Variants in ZNF81 observed in about 807,000 individuals in gnomAD.
ZNF81 encodes the protein zinc finger protein 81.
Under a neutral mutation model 32.3 loss-of-function variants are expected in ZNF81, and 5 were observed. The observed-to-expected ratio is 0.15, with a 90% CI of 0.08 to 0.33. The LOEUF (loss-of-function observed/expected upper bound fraction) is 0.33, where lower values mean the gene tolerates loss of function less well. Ranked by LOEUF, ZNF81 falls within the 10% of genes least tolerant of loss-of-function variation. The probability of loss-of-function intolerance (pLI) is 1.00; values close to 1 mark genes in which losing one functional copy is unlikely to be tolerated. For synonymous variants in ZNF81, 163 were observed against 166.8 expected (o/e 0.98, Z 0.17); for missense variants, 379 against 479.8 (o/e 0.79, Z 1.96).
intron 4 of ZNF81, among the ~76,000 whole-genome samples, chrX:47,907,521 T>C (rs1556889308): frequency 8.9e-6 from 1 of 111,790 alleles, no homozygotes; most frequent in Non-Finnish European, 1.9e-5. Context: ...GATCATATTT[T>C]TAAATAAAGC....
chrX:47,847,798 C>T (rs1273205183), intron 2 of ZNF81, among the ~76,000 whole-genome samples: 2 of 111,852 alleles, frequency 1.8e-5, no homozygotes, highest in African/African-American at 6.5e-5. Flanking sequence ...TTACTGAATA[C>T]ATATAACTGT....
intron 4 of ZNF81, among the ~76,000 whole-genome samples, chrX:47,910,043 A>G (rs2148042305): frequency 9.0e-6 from 1 of 111,148 alleles, no homozygotes; most frequent in South Asian, 3.8e-4. Context: ...AGTCTTTGCT[A>G]TTGTGAATAG....
chrX:47,910,772 C>T (rs1441303380), intron 4 of ZNF81, among the ~76,000 whole-genome samples: 3 of 112,091 alleles, frequency 2.7e-5, no homozygotes, highest in East Asian at 2.8e-4. Flanking sequence ...TTTATTCATC[C>T]TCAATATGGG....
chrX:47,861,604 G>T (rs1392289472), intron 2 of ZNF81, among the ~76,000 whole-genome samples: 4 of 111,748 alleles, frequency 3.6e-5, no homozygotes, highest in African/African-American at 1.3e-4. Context: ...GCAGCAGTCT[G>T]GCCAATACTG....
intron 2 of ZNF81, among the ~76,000 whole-genome samples, chrX:47,865,947 C>G (rs957866857): frequency 2.4e-4 from 27 of 111,939 alleles, no homozygotes; most frequent in African/African-American, 8.8e-4. Context: ...ACTTGGCAAC[C>G]AAGAAGACTG....
chrX:47,916,285 A>G lies in ZNF81; in HGVS notation c.1639A>G (p.Ile547Val), dbSNP rs782036058. 8.3e-7 allele frequency: 1 copy of G among 1,211,741 alleles called. No homozygotes were observed. Among genetic ancestry groups the G allele is most frequent in the Non-Finnish European group, 1.1e-6 (1 of 895,507 alleles). ...GTCAAATTTCAATAAACACCAGACC[A>G]TTCACACTGGAGAGAAACCCTATGT... ...DRSNFNKHQT[I>V]HTGEKPYVCA... The change falls in exon 5 of 5, where the codon ATT becomes GTT. Residue 547 changes from isoleucine to valine, a missense_variant. Ile to Val is a conservative substitution (Grantham distance 29). This residue lies in a region of ZNF81 where 102 missense variants were observed against 173.2 expected (regional missense o/e 0.59). Coordinates refer to ENST00000338637, the MANE Select transcript of ZNF81 (RefSeq NM_007137.5).
At position 47,922,623 on chromosome X, in the gene ZNF81, A is replaced by G. The variant is rs1211082609; in HGVS notation, c.*5991A>G. Among the ~76,000 whole-genome samples the G allele has an allele frequency of 9.0e-6, 1 of 111,690 alleles. No homozygotes were observed. The highest frequency in any genetic ancestry group is 1.9e-5 in the Non-Finnish European group (1 of 53,143). ...TTATGTGACCTTGGGAAAGTTAGTTAACCTCTGTCCTGATGGTTTTCATCT... is the reference window on the plus strand; with the variant it reads ...TTATGTGACCTTGGGAAAGTTAGTTGACCTCTGTCCTGATGGTTTTCATCT... On this transcript the variant is annotated 3_prime_UTR_variant, in exon 5 of 5. Coordinates refer to ENST00000338637, the MANE Select transcript of ZNF81 (RefSeq NM_007137.5).
At chrX:47,888,321 A>G (rs2058650334) in intron 3 of ZNF81, 196 bp downstream of exon 3, 1 of 542,944 alleles carries the variant, frequency 1.8e-6, no homozygotes, top group Non-Finnish European at 2.9e-6. Context: ...TGGTGTCCTT[A>G]TAAAAAGGAG....
intron 4 of ZNF81, among the ~76,000 whole-genome samples, chrX:47,907,275 A>G (rs1009829996): frequency 5.4e-5 from 5 of 93,257 alleles, no homozygotes; most frequent in Non-Finnish European, 1.1e-4. Context: ...AGGGTGACAG[A>G]TTTCTGAAGG....
At chrX:47,847,061 G>C (rs782434672) in intron 2 of ZNF81, among the ~76,000 whole-genome samples, 2 of 111,522 alleles carry the variant, frequency 1.8e-5, no homozygotes, top group East Asian at 5.6e-4. Flanking sequence ...ATTCTTCCCT[G>C]GTGTTAAATC....
intron 3 of ZNF81, among the ~76,000 whole-genome samples, chrX:47,894,407 G>C (rs949589804): frequency 9.0e-6 from 1 of 111,653 alleles, no homozygotes; most frequent in Admixed American, 9.4e-5. Flanking sequence ...GATTCCCCTT[G>C]GTAATCATGA....
chrX:47,911,748 G>A lies in ZNF81; in HGVS notation c.278-3176G>A, dbSNP rs188166452. 5.7e-3 allele frequency among the ~76,000 whole-genome samples: 634 copies of A among 111,651 alleles called. 3 individuals carry two copies. Among genetic ancestry groups the A allele is most frequent in the Middle Eastern group, 9.2e-3 (2 of 217 alleles). ...AGTCTATTACAGGGATTAGCAAAAT[G>A]AATAGCATAGAGAGTGCCTGCTTTT... On this transcript the variant is annotated intron_variant, in intron 4 of 4. Transcript: ENST00000338637.
chrX:47,889,888 A>T (rs2058656625), intron 3 of ZNF81, among the ~76,000 whole-genome samples: 3 of 110,821 alleles, frequency 2.7e-5, no homozygotes. Context: ...CACCAAGGGG[A>T]TGGTGCTAAA....
At chrX:47,856,985 A>G (rs2058520015) in intron 2 of ZNF81, among the ~76,000 whole-genome samples, 1 of 111,550 alleles carries the variant, frequency 9.0e-6, no homozygotes, top group Non-Finnish European at 1.9e-5. Context: ...AAATATGAAA[A>G]TGAAGGGACA....
At chrX:47,893,884 TC>T (rs1556886813) in intron 3 of ZNF81, among the ~76,000 whole-genome samples, 1 of 109,902 alleles carries the variant, frequency 9.1e-6, no homozygotes, top group East Asian at 2.8e-4. Context: ...CATCAATGGG[TC>T]CCCAATCAGT....
Position 47,919,190 on chromosome X carries a change from A to G in ZNF81, c.*2558A>G. ...TGAATACTTTGTGACCAGAAGACAC[A>G]CTGTGTTAGGTAGAAAAATGCTACA... On this transcript the variant is annotated 3_prime_UTR_variant, in exon 5 of 5. Coordinates refer to ENST00000338637, the MANE Select transcript of ZNF81 (RefSeq NM_007137.5). 3.0e-6 allele frequency: 1 copy of G among 330,640 alleles called. No individual in the cohort carries two copies. Among genetic ancestry groups the G allele is most frequent in the Non-Finnish European group, 5.9e-6 (1 of 169,864 alleles). The allele number at this position is 330,640 out of a possible 1,213,427, so 27.2% of individuals were successfully genotyped here.
At chrX:47,877,726 T>G (rs2058605445) in intron 2 of ZNF81, among the ~76,000 whole-genome samples, 1 of 112,253 alleles carries the variant, frequency 8.9e-6, no homozygotes, top group South Asian at 3.7e-4. Flanking sequence ...CTGGCACATT[T>G]GCTGCTCATT....
chrX:47,855,199 C>T (rs5906492), intron 2 of ZNF81, among the ~76,000 whole-genome samples: 1 of 104,412 alleles, frequency 9.6e-6, no homozygotes, highest in Non-Finnish European at 2.0e-5. Context: ...ATAAAAAAAC[C>T]CCCAAATCTT....
intron 2 of ZNF81, among the ~76,000 whole-genome samples, chrX:47,870,541 A>C (rs188586309): frequency 1.4e-4 from 16 of 112,982 alleles, no homozygotes; most frequent in Middle Eastern, 4.6e-3. Context: ...ACTCTGATTC[A>C]ATCTGCTTTT....
Sources: gnomAD v4.1 joint callset for allele counts (sites outside exome capture counted in the v4.1 genomes callset) on GRCh38, gnomAD v4.1.1 for gene constraint, gnomAD v4.1.1 regional missense constraint, MANE v1.5 for transcripts, NCBI Gene and HGNC (gene_info 2026-07-23, HGNC 2026-07-21) for gene names.